DBP: variants seen among roughly 807,000 people sequenced by gnomAD.
DBP encodes D site-binding protein.
Under a neutral mutation model 21.4 loss-of-function variants are expected in DBP, and 12 were observed. The ratio of observed to expected loss-of-function variants is 0.56; its 90% CI spans 0.36 to 0.91. The LOEUF is 0.91. DBP is among the 40% of genes least tolerant of loss of function. DBP has a pLI of 0.01. For synonymous variants in DBP, 213 were observed against 224.9 expected, an observed-to-expected ratio of 0.95 and a Z score of 0.47; for missense variants, 423 against 473.4, an observed-to-expected ratio of 0.89 and a Z score of 0.99.
At chr19:48,633,326 G>A (rs1258457464) in intron 3 of DBP, 118 bp downstream of exon 3, 2 of 1,078,756 alleles carry the variant, frequency 1.9e-6, no homozygotes, top group Non-Finnish European at 2.8e-6. Flanking sequence ...CTGCAGGCCA[G>A]GAGAGGCTGA....
chr19:48,631,073 A>C, intron 3 of DBP, 21 bp from the exon 4 acceptor site: 1 of 1,605,180 alleles, frequency 6.2e-7, no homozygotes, highest in Non-Finnish European at 8.5e-7. Flanking sequence ...AGAGGGGGAG[A>C]GCACTGAGGT....
intron 2 of DBP, 30 bp from the exon 3 acceptor site, chr19:48,633,685 G>A: frequency 6.3e-7 from 1 of 1,595,280 alleles, no homozygotes; most frequent in Non-Finnish European, 8.6e-7. Context: ...TCAGCTGAGT[G>A]TGTATTTTAA....
chr19:48,634,747 GGAGGTCGGACCT>G, intron 2 of DBP: 1 of 985,576 alleles, frequency 1.0e-6, no homozygotes, highest in Non-Finnish European at 1.2e-6. Flanking sequence ...GGTTCGGCCC[GGAGGTCGGACCT>G]GGAGCAGGTG....
intron 2 of DBP, 189 bp downstream of exon 2, chr19:48,635,391 G>T: frequency 7.5e-7 from 1 of 1,341,610 alleles, no homozygotes; most frequent in Admixed American, 2.8e-5. Context: ...CCTCCCCCAT[G>T]GATCCATTGG....
intron 1 of DBP, among the ~76,000 whole-genome samples, chr19:48,636,645 G>A (rs559236728): frequency 6.6e-6 from 1 of 152,126 alleles, no homozygotes; most frequent in Non-Finnish European, 1.5e-5. Flanking sequence ...GTTGGTGCCT[G>A]GGTCCTTAGG....
chr19:48,633,726 G>A, intron 2 of DBP, 71 bp from the exon 3 acceptor site: 2 of 1,329,808 alleles, frequency 1.5e-6, no homozygotes, highest in Non-Finnish European at 2.1e-6. Context: ...ACTTTTTGCT[G>A]TGGTATCATA....
rs775519149 is a variant in DBP at position 48,630,231 on chromosome 19, C to G, written c.*606G>C. On this transcript the variant is annotated 3_prime_UTR_variant, in exon 4 of 4. Coordinates refer to ENST00000222122, the MANE Select transcript of DBP (RefSeq NM_001352.5). The surrounding 1 kb of genome is among the most constrained non-coding windows in gnomAD (Gnocchi z 4.9). Reference sequence around the variant, plus strand: ...CCTCCATTTAGCTGGCCAATCAGCCCAGGAGGGGCAGGTTCCCCGGGGCCG... The same window carrying G: ...CCTCCATTTAGCTGGCCAATCAGCCGAGGAGGGGCAGGTTCCCCGGGGCCG... 17 of 1,278,050 alleles carry G rather than the reference C, an allele frequency of 1.3e-5. No individual in the cohort carries two copies. The highest frequency in any genetic ancestry group is 1.6e-5 in the Non-Finnish European group (16 of 1,012,766). 79.2% of individuals were successfully genotyped at this position (1,278,050 alleles called of 1,614,324 possible).
chr19:48,634,935 C>G (rs1250310880), intron 2 of DBP: 1 of 985,654 alleles, frequency 1.0e-6, no homozygotes, highest in African/African-American at 1.7e-5. Flanking sequence ...TCCCAGAACC[C>G]CCGCCACTGG....
Position 48,631,066 on chromosome 19 carries a change from G to C in DBP, c.763-14C>G, listed in dbSNP as rs370632315. The C allele has an allele frequency of 2.5e-6, 4 of 1,603,176 alleles. No homozygotes were observed. The highest frequency in any genetic ancestry group is 3.4e-6 in the Non-Finnish European group (4 of 1,177,240). Reference sequence around the variant, plus strand: ...GTATTTCTCATCCTGCAGGAGAAGAGGGGGAGAGCACTGAGGTCCAGAGGG... The same window carrying C: ...GTATTTCTCATCCTGCAGGAGAAGACGGGGAGAGCACTGAGGTCCAGAGGG... On this transcript the variant is annotated splice_polypyrimidine_tract_variant and intron_variant, in intron 3 of 3. Coordinates refer to ENST00000222122, the MANE Select transcript of DBP (RefSeq NM_001352.5).
Position 48,635,676 on chromosome 19 carries a change from G to C in DBP, c.454C>G (p.Pro152Ala). 1.5e-6 allele frequency: 2 copies of C among 1,316,514 alleles called. No individual in the cohort carries two copies. Among genetic ancestry groups the C allele is most frequent in the Non-Finnish European group, 1.9e-6 (2 of 1,040,534 alleles). 81.6% of individuals were successfully genotyped at this position (1,316,514 alleles called of 1,614,324 possible). A position where few individuals can be genotyped will look rare whatever the true frequency, so the allele number is the denominator to read the frequency against. ...PSPARTPAPS[P>A]GPGSCGSASP... Reference sequence around the variant, plus strand: ...GCCGAGCCGCACGAACCCGGCCCTGGGGAGGGTGCGGGCGTCCGCGCGGGC... The same window carrying C: ...GCCGAGCCGCACGAACCCGGCCCTGCGGAGGGTGCGGGCGTCCGCGCGGGC... Residue 152 changes from proline (P) to alanine (A), a missense_variant, in exon 2 of 4, where the codon CCA becomes GCA. This residue lies in a region of DBP where 283 missense variants were observed against 273.7 expected (regional missense o/e 1.03). Transcript: ENST00000222122.
In DBP at chr19:48,630,230, C is replaced by T. The variant is rs541166530; in HGVS notation, c.*607G>A. On this transcript the variant is annotated 3_prime_UTR_variant, in exon 4 of 4. Transcript: ENST00000222122. This position sits in a 1 kb window ranked among gnomAD's most constrained non-coding sequence, Gnocchi z 4.9. ...GCCTCCATTTAGCTGGCCAATCAGC[C>T]CAGGAGGGGCAGGTTCCCCGGGGCC... 5.5e-6 allele frequency: 7 copies of T among 1,278,330 alleles called. No homozygotes were observed. In the African/African-American group the frequency reaches 9.2e-5, roughly 17 times the overall value. 79.2% of individuals were successfully genotyped at this position (1,278,330 alleles called of 1,614,324 possible).
chr19:48,636,462 C>T (rs2030802915), intron 1 of DBP, among the ~76,000 whole-genome samples: 1 of 152,058 alleles, frequency 6.6e-6, no homozygotes, highest in Admixed American at 6.5e-5. Context: ...GCACATCCCT[C>T]ATCCCTAGAC....
Position 48,630,615 on chromosome 19 carries a change from G to C in DBP, c.*222C>G. On this transcript the variant is annotated 3_prime_UTR_variant, in exon 4 of 4. Coordinates refer to ENST00000222122, the MANE Select transcript of DBP (RefSeq NM_001352.5). This position sits in a 1 kb window ranked among gnomAD's most constrained non-coding sequence, Gnocchi z 4.9. Reference sequence around the variant, plus strand: ...TGTTAACGGAGGCGGTGGGAGGATAGGGTCCCTGACGTGCCGGGGACACAC... The same window carrying C: ...TGTTAACGGAGGCGGTGGGAGGATACGGTCCCTGACGTGCCGGGGACACAC... 6.6e-7 allele frequency: 1 copy of C among 1,523,940 alleles called. No homozygotes were observed. The highest frequency in any genetic ancestry group is 8.8e-7 in the Non-Finnish European group (1 of 1,140,668). 94.4% of individuals were successfully genotyped at this position (1,523,940 alleles called of 1,614,324 possible). A position where few individuals can be genotyped will look rare whatever the true frequency, so the allele number is the denominator to read the frequency against.
chr19:48,631,296 C>G (rs959466724), intron 3 of DBP: 54 of 545,852 alleles, frequency 9.9e-5, no homozygotes, highest in Non-Finnish European at 2.0e-5. Context: ...AAAGCGGACC[C>G]CAGCCCTCCC....
At chr19:48,635,065 C>T (rs1038905482) in intron 2 of DBP, 6 of 986,706 alleles carry the variant, frequency 6.1e-6, no homozygotes, top group African/African-American at 5.2e-5. Context: ...AACTCTGGGA[C>T]CCGGGGCTGC....
intron 2 of DBP, chr19:48,635,069 G>C (rs1342737506): frequency 1.0e-6 from 1 of 986,866 alleles, no homozygotes; most frequent in East Asian, 1.1e-4. Flanking sequence ...CTGGGACCCG[G>C]GGCTGCAGCA....
rs2030839354 is a variant in DBP, at chr19:48,637,082, G to A, written c.-88C>T. ...ACCAGCACACTCCAGTGGTTTGGAC[G>A]AGTGTCTGCCCAGGGGCGGGCGAGT... is the stretch of plus-strand genomic sequence containing the variant. On this transcript the variant is annotated 5_prime_UTR_variant, in exon 1 of 4. Coordinates refer to ENST00000222122, the MANE Select transcript of DBP (RefSeq NM_001352.5). The A allele has an allele frequency of 3.2e-6, 4 of 1,263,566 alleles. No homozygotes were observed. The highest frequency in any genetic ancestry group is 4.2e-6 in the Non-Finnish European group (4 of 951,566). The allele number at this position is 1,263,566 out of a possible 1,614,324, so 78.3% of individuals were successfully genotyped here.
chr19:48,630,905 C>A lies in DBP; in HGVS notation c.910G>T (p.Val304Leu), dbSNP rs1406543756. ...CGGTAGTGGGACAGCTCCTGGCGCACGGCCACAACTTCCTGCCGCAGCAGG... is the reference window on the plus strand; with the variant it reads ...CGGTAGTGGGACAGCTCCTGGCGCAAGGCCACAACTTCCTGCCGCAGCAGG... ...NALLRQEVVA[V>L]RQELSHYRAV... The change falls in exon 4 of 4, where the codon GTG becomes TTG. Residue 304 changes from valine (V) to leucine (L), a missense_variant. Physicochemically the swap from Val to Leu is conservative, Grantham distance 32. This residue lies in a region of DBP where 33 missense variants were observed against 31.7 expected (regional missense o/e 1.04). Transcript: ENST00000222122. This position sits in a 1 kb window ranked among gnomAD's most constrained non-coding sequence, Gnocchi z 4.9. The A allele has an allele frequency of 3.1e-6, 5 of 1,609,480 alleles. No individual in the cohort carries two copies. The highest frequency in any genetic ancestry group is 4.2e-6 in the Non-Finnish European group (5 of 1,178,446).
intron 2 of DBP, chr19:48,635,147 G>C: frequency 9.9e-7 from 1 of 1,008,686 alleles, no homozygotes; most frequent in Non-Finnish European, 1.2e-6. Context: ...AGAATTCTGT[G>C]CCTCTCCTTT....
Sources: gnomAD v4.1 joint callset for allele counts (sites outside exome capture counted in the v4.1 genomes callset) on GRCh38, gnomAD v4.1.1 for gene constraint, gnomAD v4.1.1 regional missense constraint, Gnocchi (gnomAD v3.1) non-coding constraint, MANE v1.5 for transcripts, NCBI Gene and HGNC (gene_info 2026-07-23, HGNC 2026-07-21) for gene names.